The following NCKAP5 variants were observed in gnomAD, a reference collection of about 807,000 sequenced individuals.
NCKAP5 encodes the protein nck-associated protein 5.
A neutral mutation model predicts 167.0 loss-of-function variants in NCKAP5; 92 were observed. That is an observed-to-expected ratio of 0.55 (90% CI 0.47 to 0.66). The LOEUF (loss-of-function observed/expected upper bound fraction) is 0.66. Ranked by LOEUF, NCKAP5 falls within the 30% of genes least tolerant of loss-of-function variation. NCKAP5 has a pLI of 0.00. For missense variants in NCKAP5, 2,378 were observed against 2,315.0 expected, an observed-to-expected ratio of 1.03 and a Z score of -0.56; for synonymous variants, 891 against 877.4, an observed-to-expected ratio of 1.02 and a Z score of -0.27.
intron 6 of NCKAP5, among the ~76,000 whole-genome samples, chr2:133,035,697 G>A (rs545831003): frequency 1.3e-5 from 2 of 151,710 alleles, no homozygotes; most frequent in African/African-American, 4.8e-5. Context: ...TCAAAAGAGG[G>A]AAGTTTATAG....
At chr2:133,473,451 C>T (rs1679545008) in intron 3 of NCKAP5, among the ~76,000 whole-genome samples, 1 of 152,186 alleles carries the variant, frequency 6.6e-6, no homozygotes, top group African/African-American at 2.4e-5. Context: ...GGTATTATCC[C>T]CCAGAGTTTC....
Position 132,784,593 on chromosome 2 carries a change from C to A in NCKAP5, c.2218G>T (p.Glu740Ter). ...ACATTATCTTTTGGAATGTTTTTCTCAGTGTCCTCTTCAGACCTTTTAAAG... is the reference window on the plus strand; with the variant it reads ...ACATTATCTTTTGGAATGTTTTTCTAAGTGTCCTCTTCAGACCTTTTAAAG... ...TFFKRSEEDTEKNIPKDNVDN... is the reference protein window; with the variant it reads ...TFFKRSEEDT Residue 740 changes from glutamate to a stop codon, truncating the protein, a stop_gained, in exon 14 of 20, where the codon GAG (glutamate) becomes TAG (stop). Coordinates refer to ENST00000409261, the MANE Select transcript of NCKAP5 (RefSeq NM_207363.3). LOFTEE classifies it high-confidence loss of function. The A allele has an allele frequency of 6.3e-7, 1 of 1,594,884 alleles. No homozygotes were observed. Among genetic ancestry groups the A allele is most frequent in the Non-Finnish European group, 8.6e-7 (1 of 1,169,448 alleles).
intron 4 of NCKAP5, among the ~76,000 whole-genome samples, chr2:133,248,445 C>A (rs1289145613): frequency 6.6e-6 from 1 of 152,182 alleles, no homozygotes; most frequent in Non-Finnish European, 1.5e-5. Flanking sequence ...GTCTCCCATG[C>A]CCTTCCTCTG....
At chr2:133,420,688 C>T (rs1292792818) in intron 3 of NCKAP5, among the ~76,000 whole-genome samples, 4 of 152,274 alleles carry the variant, frequency 2.6e-5, no homozygotes, top group East Asian at 1.9e-4. Context: ...TGAGCTGCTA[C>T]GGGCCAGGTA....
At chr2:132,943,299 T>C (rs1007075344) in intron 8 of NCKAP5, among the ~76,000 whole-genome samples, 2 of 152,254 alleles carry the variant, frequency 1.3e-5, no homozygotes, top group African/African-American at 4.8e-5. Flanking sequence ...TCATTAAAAG[T>C]CACATGTAAA....
chr2:133,668,248 T>C, the NCKAP5 span, among the ~76,000 whole-genome samples: 1 of 152,070 alleles, frequency 6.6e-6, no homozygotes, highest in Non-Finnish European at 1.5e-5. Context: ...AACATCCATG[T>C]ACAAGTTTCA....
At chr2:132,797,980 G>T (rs1180735406) in intron 11 of NCKAP5, among the ~76,000 whole-genome samples, 1 of 151,982 alleles carries the variant, frequency 6.6e-6, no homozygotes, top group African/African-American at 2.4e-5. Context: ...AAGGGTAAAG[G>T]TATTTTTTTG....
At chr2:133,001,156 A>C (rs561076371) in intron 6 of NCKAP5, among the ~76,000 whole-genome samples, 2 of 152,164 alleles carry the variant, frequency 1.3e-5, no homozygotes, top group East Asian at 3.9e-4. Flanking sequence ...AACTGTAAAC[A>C]CATATGGAAC....
chr2:133,534,655 C>A (rs944582742), intron 2 of NCKAP5, among the ~76,000 whole-genome samples: 48 of 152,116 alleles, frequency 3.2e-4, no homozygotes, highest in African/African-American at 1.1e-3. Flanking sequence ...TGTTGCAGCA[C>A]GTGGCAATGC....
At position 133,208,835 on chromosome 2, in the gene NCKAP5, A is replaced by G. The variant is rs141578988; in HGVS notation, c.207+4881T>C. On this transcript the variant is annotated intron_variant, in intron 5 of 19. Transcript: ENST00000409261. Reference sequence around the variant, plus strand: ...GTGTTTATTTTTTAAAAGTGAGTTGAGGATCTCATTTTCTATTTTCAGGAC... The same window carrying G: ...GTGTTTATTTTTTAAAAGTGAGTTGGGGATCTCATTTTCTATTTTCAGGAC... 6.0e-3 allele frequency among the ~76,000 whole-genome samples: 908 copies of G among 152,306 alleles called. 13 individuals are homozygous for G. The highest frequency in any genetic ancestry group is 0.02 in the African/African-American group (818 of 41,564).
In NCKAP5 at chr2:132,967,448, C is replaced by T. The variant is rs942375735; in HGVS notation, c.430-3579G>A. ...TTAAATAGTTAGAGAGGCATAGGGT[C>T]GGTGTTTGGTGAAAGAGAAAATTTT... On this transcript the variant is annotated intron_variant, in intron 7 of 19. Transcript: ENST00000409261. 4.6e-5 allele frequency among the ~76,000 whole-genome samples: 7 copies of T among 152,024 alleles called. No homozygotes were observed. The East Asian group carries it at 7.7e-4, about 17-fold the overall frequency.
the NCKAP5 span, among the ~76,000 whole-genome samples, chr2:133,659,666 A>T: frequency 6.6e-6 from 1 of 152,220 alleles, no homozygotes; most frequent in Admixed American, 6.5e-5. Flanking sequence ...GCTAATGTGT[A>T]CAAGGTTCCT....
At chr2:133,418,681 A>T (rs190177605) in intron 3 of NCKAP5, among the ~76,000 whole-genome samples, 258 of 152,332 alleles carry the variant, frequency 1.7e-3, no homozygotes, top group Non-Finnish European at 3.1e-3. Context: ...GCAAACACCC[A>T]GTTCTTTGAT....
chr2:133,611,892 G>T, the NCKAP5 span, among the ~76,000 whole-genome samples: 1 of 152,310 alleles, frequency 6.6e-6, no homozygotes, highest in Admixed American at 6.5e-5. Flanking sequence ...ATACAGAAGT[G>T]TCTAGCAGTA....
intron 5 of NCKAP5, among the ~76,000 whole-genome samples, chr2:133,185,740 T>G (rs1358270862): frequency 1.3e-5 from 2 of 152,108 alleles, no homozygotes; most frequent in Non-Finnish European, 2.9e-5. Flanking sequence ...TGGGGTTGTA[T>G]TCTTGATTTG....
chr2:133,061,674 A>G (rs2080007043), intron 6 of NCKAP5, among the ~76,000 whole-genome samples: 1 of 152,230 alleles, frequency 6.6e-6, no homozygotes, highest in Non-Finnish European at 1.5e-5. Context: ...GGAACTGCCA[A>G]ACCTCCTCTT....
chr2:132,889,847 ATAAAT>A (rs1466463473), intron 8 of NCKAP5, among the ~76,000 whole-genome samples: 2 of 152,218 alleles, frequency 1.3e-5, no homozygotes, highest in African/African-American at 4.8e-5. Flanking sequence ...AAAAAAATAA[ATAAAT>A]AAAATAACAA....
intron 4 of NCKAP5, among the ~76,000 whole-genome samples, chr2:133,272,846 G>A (rs1247774362): frequency 6.6e-6 from 1 of 152,112 alleles, no homozygotes; most frequent in African/African-American, 2.4e-5. Context: ...TTAGCATAAT[G>A]TTTTCAAGTT....
chr2:132,922,455 TG>T (rs1357619018), intron 8 of NCKAP5, among the ~76,000 whole-genome samples: 2 of 152,164 alleles, frequency 1.3e-5, no homozygotes, highest in Non-Finnish European at 2.9e-5. Context: ...AATACTTTAA[TG>T]AGACCCCAAA....
Sources: gnomAD v4.1 joint callset for allele counts (sites outside exome capture counted in the v4.1 genomes callset) on GRCh38, gnomAD v4.1.1 for gene constraint, MANE v1.5 for transcripts, NCBI Gene and HGNC (gene_info 2026-07-23, HGNC 2026-07-21) for gene names.